DHX57: variants seen among roughly 807,000 people sequenced by gnomAD.
The protein encoded by DHX57 is DExH-box helicase 57.
A neutral mutation model predicts 156.2 loss-of-function variants in DHX57; 105 were observed. The observed-to-expected ratio is 0.67, with a 90% CI of 0.57 to 0.79. DHX57 has a LOEUF of 0.79. Among genes scored for constraint, DHX57 ranks in the 30% least tolerant of loss-of-function variants. The pLI, the probability that DHX57 is intolerant of heterozygous loss-of-function variation, is 0.00. For synonymous variants in DHX57, 704 were observed against 595.6 expected, an observed-to-expected ratio of 1.18 and a Z score of -2.65; for missense variants, 1,847 against 1,661.9, an observed-to-expected ratio of 1.11 and a Z score of -1.94.
In DHX57 at chr2:38,811,564, T is replaced by C; in HGVS notation, c.3681+2257A>G. The C allele has an allele frequency of 6.9e-6, 9 of 1,297,744 alleles. 1 individual carries two copies. The highest frequency in any genetic ancestry group is 2.3e-5 in the South Asian group (2 of 85,626). 80.4% of individuals were successfully genotyped at this position (1,297,744 alleles called of 1,614,324 possible). A position where few individuals can be genotyped will look rare whatever the true frequency, so the allele number is the denominator to read the frequency against. ...CCAACATTGGCCAGGTAGGCAATAA[T>C]GTCATAGCCTTGTTCCTTCAGCCAC... On this transcript the variant is annotated intron_variant, in intron 21 of 23. Transcript: ENST00000457308.
At chr2:38,828,179 G>T (rs1455222019) in intron 14 of DHX57, among the ~76,000 whole-genome samples, 161 bp downstream of exon 14, 2 of 152,140 alleles carry the variant, frequency 1.3e-5, no homozygotes, top group Non-Finnish European at 2.9e-5. Context: ...AATAAAAAGG[G>T]AATAACTGAT....
chr2:38,850,639 C>G (rs1444321320), intron 9 of DHX57, among the ~76,000 whole-genome samples: 1 of 151,994 alleles, frequency 6.6e-6, no homozygotes, highest in Non-Finnish European at 1.5e-5. Context: ...TACTACTTAG[C>G]TCTTTTTAAT....
rs1286110082 is a variant in DHX57, at chr2:38,799,668, T to A, written c.4018-1226A>T. 2.0e-5 allele frequency among the ~76,000 whole-genome samples: 3 copies of A among 147,076 alleles called. No homozygotes were observed. The South Asian group carries it at 6.4e-4, about 32-fold the overall frequency. On this transcript the variant is annotated intron_variant, in intron 23 of 23. Coordinates refer to ENST00000457308, the MANE Select transcript of DHX57 (RefSeq NM_198963.3). ...GGGAGGCTGAGGCAGGAGAATTGCT[T>A]GAACCCAGGAGGCAGAGGTTGTGGT...
At chr2:38,863,063 A>T (rs1213521640) in intron 3 of DHX57, 5 of 251,920 alleles carry the variant, frequency 2.0e-5, no homozygotes, top group Non-Finnish European at 3.8e-5. Flanking sequence ...CACTACTTCT[A>T]CTTGTTCATT....
intron 15 of DHX57, among the ~76,000 whole-genome samples, chr2:38,826,296 A>T (rs1168694434): frequency 6.6e-6 from 1 of 152,204 alleles, no homozygotes; most frequent in Non-Finnish European, 1.5e-5. Flanking sequence ...AAATCACATG[A>T]CAAAAAGAGA....
At chr2:38,838,473 CTCCTGCCCCTGT>C (rs1671804729) in intron 12 of DHX57, among the ~76,000 whole-genome samples, 1 of 152,156 alleles carries the variant, frequency 6.6e-6, no homozygotes, top group South Asian at 2.1e-4. Flanking sequence ...AAAAAGCAGG[CTCCTGCCCCTGT>C]TGGAAAGACC....
rs114209316 is a variant in DHX57, at chr2:38,842,016, A to T, written c.2425+989T>A. Among the ~76,000 whole-genome samples the T allele has an allele frequency of 2.4e-3, 373 of 152,362 alleles. 3 individuals are homozygous for T. The highest frequency in any genetic ancestry group is 8.6e-3 in the African/African-American group (357 of 41,592). Reference sequence around the variant, plus strand: ...CAAATGACTTATTAACTACAAAAGAAATAGCAATTACCAAGGGAGAAACCT... The same window carrying T: ...CAAATGACTTATTAACTACAAAAGATATAGCAATTACCAAGGGAGAAACCT... On this transcript the variant is annotated intron_variant, in intron 12 of 23. Coordinates refer to ENST00000457308, the MANE Select transcript of DHX57 (RefSeq NM_198963.3).
At chr2:38,833,474 T>C (rs1450029774) in intron 13 of DHX57, among the ~76,000 whole-genome samples, 1 of 151,920 alleles carries the variant, frequency 6.6e-6, no homozygotes, top group East Asian at 1.9e-4. Flanking sequence ...AGTAAGGGGA[T>C]TGGGGCAAGA....
Position 38,842,002 on chromosome 2 carries a change from T to C in DHX57, c.2425+1003A>G, listed in dbSNP as rs549882192. On this transcript the variant is annotated intron_variant, in intron 12 of 23. Coordinates refer to ENST00000457308, the MANE Select transcript of DHX57 (RefSeq NM_198963.3). The stretch of plus-strand genomic sequence containing the variant: ...CAAATATTGCTTCACAAATGACTTA[T>C]TAACTACAAAAGAAATAGCAATTAC... 3.3e-4 allele frequency among the ~76,000 whole-genome samples: 51 copies of C among 152,328 alleles called. 2 individuals are homozygous for C. In the South Asian group the frequency reaches 0.01, roughly 31 times the overall value.
chr2:38,852,242 T>C (rs1204443566), intron 9 of DHX57, among the ~76,000 whole-genome samples: 1 of 151,382 alleles, frequency 6.6e-6, no homozygotes, highest in Non-Finnish European at 1.5e-5. Context: ...AGTGGCGCAA[T>C]CTCGGCTCAC....
At chr2:38,812,029 G>T (rs1670273584) in intron 21 of DHX57, among the ~76,000 whole-genome samples, 1 of 152,046 alleles carries the variant, frequency 6.6e-6, no homozygotes, top group African/African-American at 2.4e-5. Flanking sequence ...AAAGTGCTTG[G>T]ATTATAGGCA....
intron 8 of DHX57, 104 bp downstream of exon 8, chr2:38,854,953 A>C (rs1558396446): frequency 9.7e-7 from 1 of 1,035,962 alleles, no homozygotes; most frequent in East Asian, 2.4e-5. Context: ...AAATAACCTG[A>C]AAGTATATAT....
intron 12 of DHX57, among the ~76,000 whole-genome samples, chr2:38,841,887 C>G (rs1349486487): frequency 6.6e-6 from 1 of 152,140 alleles, no homozygotes; most frequent in Non-Finnish European, 1.5e-5. Flanking sequence ...ATAAAAAGCT[C>G]AGCACAGGGT....
chr2:38,848,783 A>G (rs1021141168), intron 9 of DHX57, among the ~76,000 whole-genome samples: 5 of 152,210 alleles, frequency 3.3e-5, no homozygotes, highest in African/African-American at 1.2e-4. Flanking sequence ...TTTGTCTGTG[A>G]AATAAAGTTG....
intron 17 of DHX57, among the ~76,000 whole-genome samples, chr2:38,821,005 A>G (rs1012779940): frequency 3.3e-5 from 5 of 152,128 alleles, no homozygotes; most frequent in South Asian, 4.1e-4. Flanking sequence ...TACATTTTAA[A>G]GAGGATTGAA....
intron 22 of DHX57, chr2:38,806,268 G>T: frequency 6.5e-6 from 2 of 308,904 alleles, no homozygotes; most frequent in Non-Finnish European, 1.2e-5. Context: ...TTAAGGCACA[G>T]ATTCAGTGAT....
chr2:38,843,967 A>G (rs1000613959), intron 11 of DHX57, among the ~76,000 whole-genome samples: 1 of 152,180 alleles, frequency 6.6e-6, no homozygotes, highest in African/African-American at 2.4e-5. Context: ...TTTCAGCCCA[A>G]TCATTCTTGT....
Position 38,828,419 on chromosome 2 carries a change from A to C in DHX57, c.2560T>G (p.Leu854Val), listed in dbSNP as rs763304580. ...ATTTTGATTTCTGCTAGTCCTGGTA[A>C]AAATACAAGTATAGCACCTGGGTAT... ...SYPPGAILVF[L>V]PGLAEIKMLY... Residue 854 changes from leucine to valine, a missense_variant, in exon 14 of 24, where the codon TTA becomes GTA. Coordinates refer to ENST00000457308, the MANE Select transcript of DHX57 (RefSeq NM_198963.3). The C allele has an allele frequency of 6.8e-6, 11 of 1,613,184 alleles. No individual in the cohort carries two copies. The South Asian group carries it at 1.2e-4, about 18-fold the overall frequency.
intron 21 of DHX57, chr2:38,810,978 C>T: frequency 3.7e-6 from 3 of 810,128 alleles, no homozygotes; most frequent in Non-Finnish European, 4.2e-6. Flanking sequence ...TGGTCACCTT[C>T]ACAGGGACCC....
Sources: allele counts gnomAD v4.1 joint callset (sites outside exome capture counted in the v4.1 genomes callset), GRCh38; gene constraint gnomAD v4.1.1; transcripts MANE v1.5; gene names NCBI Gene and HGNC (gene_info 2026-07-23, HGNC 2026-07-21).